Variants in BTBD16 observed in about 807,000 individuals in gnomAD.
BTBD16 encodes BTB/POZ domain-containing protein 16.
Under a neutral mutation model 67.4 loss-of-function variants are expected in BTBD16, and 66 were observed. The ratio of observed to expected loss-of-function variants is 0.98; its 90% confidence interval spans 0.80 to 1.20. The LOEUF is 1.20. Among genes scored for constraint, BTBD16 ranks in the 50% most tolerant of loss-of-function variants. BTBD16 has a pLI of 0.00. For synonymous variants in BTBD16, 242 were observed against 236.4 expected (o/e 1.02, Z -0.22); for missense variants, 634 against 616.0 (o/e 1.03, Z -0.31).
chr10:122,285,818 G>A (rs1374019418), intron 4 of BTBD16, among the ~76,000 whole-genome samples: 1 of 152,116 alleles, frequency 6.6e-6, no homozygotes, highest in Non-Finnish European at 1.5e-5. Context: ...ACATTGGAGG[G>A]CAGCACAAGT....
intron 14 of BTBD16, 29 bp from the exon 15 acceptor site, chr10:122,336,464 TC>T (rs1565040381): frequency 6.4e-7 from 1 of 1,563,756 alleles, no homozygotes; most frequent in South Asian, 1.2e-5. Context: ...CGATTGCAGT[TC>T]CACCTAAGGT....
At chr10:122,296,895 C>T (rs1416772824) in intron 7 of BTBD16, among the ~76,000 whole-genome samples, 1 of 152,210 alleles carries the variant, frequency 6.6e-6, no homozygotes, top group Non-Finnish European at 1.5e-5. Context: ...CTGTGCCAGC[C>T]CTGACATTCC....
intron 10 of BTBD16, among the ~76,000 whole-genome samples, chr10:122,325,901 C>T (rs2096443813): frequency 6.6e-6 from 1 of 152,104 alleles, no homozygotes; most frequent in Admixed American, 6.5e-5. Context: ...GTCTCCAACT[C>T]CTGACCTCAG....
At chr10:122,273,221 G>GATAGATATATATAT (rs1034902866) in intron 1 of BTBD16, among the ~76,000 whole-genome samples, 22 of 129,468 alleles carry the variant, frequency 1.7e-4, no homozygotes, top group African/African-American at 6.0e-4. Flanking sequence ...GCAACACAAA[G>GATAGATATATATAT]ATATATATAT....
intron 6 of BTBD16, 55 bp downstream of exon 6, chr10:122,290,053 A>G: frequency 8.1e-7 from 1 of 1,230,038 alleles, no homozygotes; most frequent in Admixed American, 1.9e-5. Flanking sequence ...TGGTCCTCCC[A>G]GATTTAAAAA....
At chr10:122,299,170 G>A (rs1255577333) in intron 9 of BTBD16, 36 bp downstream of exon 9, 1 of 1,608,040 alleles carries the variant, frequency 6.2e-7, no homozygotes, top group Admixed American at 1.7e-5. Context: ...CCCCTGAGAG[G>A]GGGATGGGAG....
chr10:122,287,632 G>A (rs1343442242), intron 5 of BTBD16: 2 of 211,364 alleles, frequency 9.5e-6, no homozygotes, highest in South Asian at 1.7e-4. Context: ...CTTTAAAAGC[G>A]AAAATATCTC....
chr10:122,322,773 T>C (rs1256895406), intron 10 of BTBD16, among the ~76,000 whole-genome samples: 3 of 152,152 alleles, frequency 2.0e-5, no homozygotes, highest in African/African-American at 2.4e-5. Flanking sequence ...GCTAGAGTGA[T>C]CCACTGTGCC....
intron 3 of BTBD16, among the ~76,000 whole-genome samples, 158 bp downstream of exon 3, chr10:122,277,097 C>T (rs2096342361): frequency 6.6e-6 from 1 of 151,742 alleles, no homozygotes; most frequent in African/African-American, 2.4e-5. Flanking sequence ...TGGACAGGGT[C>T]ATAAGTGACT....
At chr10:122,305,594 C>T (rs1019790592) in intron 9 of BTBD16, among the ~76,000 whole-genome samples, 2 of 152,198 alleles carry the variant, frequency 1.3e-5, no homozygotes, top group Non-Finnish European at 2.9e-5. Flanking sequence ...ATGCCAGCAT[C>T]ATGCTTCCTG....
chr10:122,286,795 C>G (rs1204230439), intron 5 of BTBD16, among the ~76,000 whole-genome samples: 1 of 152,150 alleles, frequency 6.6e-6, no homozygotes. Flanking sequence ...TAGGCCACTT[C>G]TTTCTTTGTC....
At chr10:122,337,186 G>A (rs992206105) in intron 15 of BTBD16, among the ~76,000 whole-genome samples, 1 of 152,228 alleles carries the variant, frequency 6.6e-6, no homozygotes, top group African/African-American at 2.4e-5. Flanking sequence ...ACAAGCCAGT[G>A]AGTAATTCCT....
intron 3 of BTBD16, among the ~76,000 whole-genome samples, chr10:122,280,554 T>C (rs904650596): frequency 4.0e-5 from 5 of 125,884 alleles, no homozygotes; most frequent in African/African-American, 1.6e-4. Context: ...GGGACCCCTA[T>C]ATTTTTATAT....
intron 9 of BTBD16, among the ~76,000 whole-genome samples, chr10:122,303,446 A>G (rs1207303725): frequency 1.3e-5 from 2 of 152,184 alleles, no homozygotes; most frequent in African/African-American, 2.4e-5. Flanking sequence ...TTAAAATTTT[A>G]ATTGTAAAGG....
At chr10:122,311,297 C>T (rs183361172) in intron 10 of BTBD16, among the ~76,000 whole-genome samples, 109 of 152,270 alleles carry the variant, frequency 7.2e-4, no homozygotes, top group Admixed American at 2.9e-3. Flanking sequence ...CAAACACGCA[C>T]GGTCGTGTGT....
At chr10:122,308,442 G>T (rs535964500) in intron 10 of BTBD16, among the ~76,000 whole-genome samples, 1 of 152,088 alleles carries the variant, frequency 6.6e-6, no homozygotes, top group Non-Finnish European at 1.5e-5. Context: ...CAAGCCCCCT[G>T]ATCCTGTATA....
At chr10:122,307,378 A>C in intron 10 of BTBD16, 70 bp downstream of exon 10, 13 of 1,418,478 alleles carry the variant, frequency 9.2e-6, no homozygotes, top group African/African-American at 1.5e-5. Context: ...TCATAATATC[A>C]CGGGGGAAAA....
chr10:122,330,570 T>C (rs2096453505), intron 11 of BTBD16, among the ~76,000 whole-genome samples: 1 of 152,154 alleles, frequency 6.6e-6, no homozygotes, highest in Non-Finnish European at 1.5e-5. Context: ...TTGTTAAGAG[T>C]ATATTTCATT....
At position 122,336,635 on chromosome 10, in the gene BTBD16, C is replaced by T; in HGVS notation, c.1405C>T (p.Gln469Ter). Residue 469 changes from glutamine to a stop codon, truncating the protein, a stop_gained, in exon 15 of 16, where the codon CAG (glutamine) becomes TAG (stop). Transcript: ENST00000260723. LOFTEE classifies it high-confidence loss of function. Reference protein sequence around the residue: ...DGKWQEFRTNQIKQKFGLTTS... With the variant: ...DGKWQEFRTN ...CAAGTGGCAGGAGTTCAGGACAAAC[C>T]AGATCAAGCAGAAGTTTGGGTTGAC... The T allele has an allele frequency of 6.2e-7, 1 of 1,607,016 alleles. No homozygotes were observed.
Sources: gnomAD v4.1 joint callset for allele counts (sites outside exome capture counted in the v4.1 genomes callset) on GRCh38, gnomAD v4.1.1 for gene constraint, MANE v1.5 for transcripts, NCBI Gene and HGNC (gene_info 2026-07-23, HGNC 2026-07-21) for gene names.